The following ELF2 variants were observed in gnomAD, a reference collection of about 807,000 sequenced individuals.
ELF2 encodes the protein E74 like ETS transcription factor 2.
ELF2 carries 11 observed loss-of-function variants against 54.8 expected under a neutral mutation model. The observed-to-expected ratio is 0.20, with a 90% CI of 0.13 to 0.33. ELF2 has a LOEUF of 0.33. Ranked by LOEUF, ELF2 falls within the 10% of genes least tolerant of loss-of-function variation. The pLI, the probability that ELF2 is intolerant of heterozygous loss-of-function variation, is 1.00. For missense variants in ELF2, 513 were observed against 703.0 expected, an observed-to-expected ratio of 0.73 and a Z score of 3.06; for synonymous variants, 203 against 245.1, an observed-to-expected ratio of 0.83 and a Z score of 1.61.
chr4:139,060,432 C>T lies in ELF2; in HGVS notation c.1049G>A (p.Arg350Lys). Reference sequence around the variant, plus strand: ...AACTCTAGCTACACCCTTCTCTGCTCTGGAGCAGTTTATAGGGGATGAATT... The same window carrying T: ...AACTCTAGCTACACCCTTCTCTGCTTTGGAGCAGTTTATAGGGGATGAATT... Reference protein sequence around the residue: ...GKNSSPINCSRAEKGVARVVN... With the variant: ...GKNSSPINCSKAEKGVARVVN... Residue 350 changes from arginine to lysine, a missense_variant, in exon 9 of 10, where the codon AGA becomes AAA. Coordinates refer to ENST00000686138, the MANE Select transcript of ELF2 (RefSeq NM_001331036.3). 2 of 1,614,198 alleles carry T rather than the reference C, an allele frequency of 1.2e-6. No homozygotes were observed. The highest frequency in any genetic ancestry group is 1.7e-6 in the Non-Finnish European group (2 of 1,180,046).
intron 1 of ELF2, among the ~76,000 whole-genome samples, chr4:139,147,968 TAG>T (rs1027499151): frequency 9.2e-5 from 14 of 151,718 alleles, no homozygotes; most frequent in South Asian, 2.1e-4. Flanking sequence ...GTATTTTTAG[TAG>T]AGACAGGGTT....
chr4:139,068,638 TTCC>T, intron 6 of ELF2, among the ~76,000 whole-genome samples: 1 of 152,324 alleles, frequency 6.6e-6, no homozygotes, highest in Non-Finnish European at 1.5e-5. Flanking sequence ...TTCCCTTTTG[TTCC>T]TCCTCATTTT....
At chr4:139,071,570 A>C (rs1283005731) in intron 6 of ELF2, among the ~76,000 whole-genome samples, 5 of 152,086 alleles carry the variant, frequency 3.3e-5, no homozygotes, top group South Asian at 2.1e-4. Flanking sequence ...AACAAGGAGA[A>C]GATGGAGTAA....
intron 4 of ELF2, chr4:139,115,324 G>A (rs1432840308): frequency 2.2e-5 from 33 of 1,494,212 alleles, no homozygotes; most frequent in Admixed American, 1.7e-4. Context: ...TGCCCGGCCC[G>A]GGGGCCGGGG....
intron 4 of ELF2, among the ~76,000 whole-genome samples, chr4:139,116,376 T>A (rs540480421): frequency 1.8e-3 from 261 of 147,904 alleles, no homozygotes; most frequent in African/African-American, 5.1e-3. Flanking sequence ...AAAAAAAAAA[T>A]GACTTAAAGA....
At chr4:139,091,352 CAGTACTT>C (rs1732553682) in intron 4 of ELF2, among the ~76,000 whole-genome samples, 2 of 152,164 alleles carry the variant, frequency 1.3e-5, no homozygotes, top group East Asian at 3.9e-4. Flanking sequence ...TTAATTAAAA[CAGTACTT>C]AGTAAAGAAA....
intron 4 of ELF2, among the ~76,000 whole-genome samples, chr4:139,088,557 A>C (rs1293692481): frequency 1.3e-5 from 2 of 152,062 alleles, no homozygotes; most frequent in African/African-American, 4.8e-5. Context: ...TTTGATTTTC[A>C]TGATAGTAAA....
At chr4:139,103,067 G>A (rs979651856) in intron 4 of ELF2, among the ~76,000 whole-genome samples, 1 of 152,040 alleles carries the variant, frequency 6.6e-6, no homozygotes, top group Admixed American at 6.6e-5. Flanking sequence ...TTGTACAGAT[G>A]GGGTTTTGCC....
At chr4:139,062,125 T>TA (rs1434133387) in intron 7 of ELF2, 68 bp from the exon 8 acceptor site, 1 of 1,421,616 alleles carries the variant, frequency 7.0e-7, no homozygotes, top group Non-Finnish European at 9.6e-7. Context: ...TAAAAGCAAA[T>TA]AAAGTGTCCT....
At chr4:139,158,922 T>C (rs1054147803) in intron 1 of ELF2, among the ~76,000 whole-genome samples, 2 of 152,050 alleles carry the variant, frequency 1.3e-5, no homozygotes, top group Non-Finnish European at 2.9e-5. Flanking sequence ...TTCCTGAAGA[T>C]TGAGGACCGT....
intron 4 of ELF2, among the ~76,000 whole-genome samples, chr4:139,090,523 A>C (rs898723510): frequency 1.3e-5 from 2 of 152,104 alleles, no homozygotes; most frequent in Admixed American, 1.3e-4. Context: ...TGTCTTATTG[A>C]TCTATAGAAT....
intron 3 of ELF2, among the ~76,000 whole-genome samples, chr4:139,131,591 C>T (rs904187426): frequency 2.6e-5 from 4 of 152,102 alleles, no homozygotes; most frequent in Non-Finnish European, 4.4e-5. Flanking sequence ...TTTTCTCTTT[C>T]GAGGTAGAGT....
intron 1 of ELF2, among the ~76,000 whole-genome samples, chr4:139,161,652 T>TAAAAAA (rs57452146): frequency 1.6e-4 from 11 of 70,028 alleles, no homozygotes; most frequent in East Asian, 1.4e-3. Context: ...TAAAACTGTT[T>TAAAAAA]AAAAAAAAAA....
Position 139,098,714 on chromosome 4 carries a change from C to T in ELF2, c.239-25147G>A, listed in dbSNP as rs1266930279. Among the ~76,000 whole-genome samples the T allele has an allele frequency of 4.7e-4, 72 of 152,202 alleles. 1 individual carries two copies. Among genetic ancestry groups the T allele is most frequent in the Admixed American group, 4.6e-3 (71 of 15,292 alleles). On this transcript the variant is annotated intron_variant, in intron 4 of 9. Transcript: ENST00000686138. ...TGAACTCCTGACCTCGTGATCCACC[C>T]GCCTCGGCCTCCCAAAGTGCTGGGA...
intron 1 of ELF2, among the ~76,000 whole-genome samples, chr4:139,152,890 A>AG: frequency 8.4e-6 from 1 of 119,396 alleles, no homozygotes; most frequent in African/African-American, 3.6e-5. Flanking sequence ...ATAGTGTCAT[A>AG]CTTTTTTTTT....
intron 4 of ELF2, chr4:139,084,264 A>C (rs1731651851): frequency 1.2e-6 from 2 of 1,605,840 alleles, no homozygotes. Context: ...GAGGAGGCGG[A>C]ACCCGCGGCC....
At chr4:139,086,869 G>A (rs1310739361) in intron 4 of ELF2, among the ~76,000 whole-genome samples, 1 of 152,108 alleles carries the variant, frequency 6.6e-6, no homozygotes, top group Non-Finnish European at 1.5e-5. Context: ...ATTTTTAATA[G>A]GGGTTCAAAG....
chr4:139,080,331 C>G (rs1249448780), intron 4 of ELF2, among the ~76,000 whole-genome samples: 5 of 152,120 alleles, frequency 3.3e-5, no homozygotes, highest in Admixed American at 1.3e-4. Flanking sequence ...CCTTGAGTTT[C>G]ATTTTAATGT....
At chr4:139,111,030 A>T (rs75691904) in intron 4 of ELF2, among the ~76,000 whole-genome samples, 2,247 of 152,316 alleles carry the variant, frequency 0.015, 60 homozygotes, top group African/African-American at 0.051. Flanking sequence ...TCAGTTTTTT[A>T]GAATATTCTA....
Sources: gnomAD v4.1 joint callset for allele counts (sites outside exome capture counted in the v4.1 genomes callset) on GRCh38, gnomAD v4.1.1 for gene constraint, MANE v1.5 for transcripts, NCBI Gene and HGNC (gene_info 2026-07-23, HGNC 2026-07-21) for gene names.